TSNARE1: variants seen among roughly 807,000 people sequenced by gnomAD.
The protein encoded by TSNARE1 is t-SNARE domain-containing protein 1.
A neutral mutation model predicts 62.0 loss-of-function variants in TSNARE1; 49 were observed. That is an observed-to-expected ratio of 0.79 (90% CI 0.63 to 1.00). TSNARE1 has a LOEUF of 1.00. Ranked by LOEUF, TSNARE1 falls within the 50% of genes least tolerant of loss-of-function variation. The pLI is 0.00. For synonymous variants in TSNARE1, 328 were observed against 294.4 expected (o/e 1.11, Z -1.17); for missense variants, 755 against 700.1 (o/e 1.08, Z -0.88).
intron 9 of TSNARE1, among the ~76,000 whole-genome samples, chr8:142,310,411 C>T (rs1012603018): frequency 2.0e-5 from 3 of 151,382 alleles, no homozygotes; most frequent in Non-Finnish European, 2.9e-5. Flanking sequence ...GTTCCACCGT[C>T]GACGTTAACC....
At chr8:142,313,497 T>C (rs1827985157) in intron 9 of TSNARE1, among the ~76,000 whole-genome samples, 1 of 152,162 alleles carries the variant, frequency 6.6e-6, no homozygotes, top group Non-Finnish European at 1.5e-5. Flanking sequence ...CTCTGTGTGT[T>C]TATCTGCATG....
At chr8:142,271,350 T>C (rs1819519066) in intron 12 of TSNARE1, 2 of 1,191,126 alleles carry the variant, frequency 1.7e-6, no homozygotes, top group Non-Finnish European at 2.1e-6. Flanking sequence ...TGCTGGGCCA[T>C]GAGTGTGCTC....
At chr8:142,283,377 G>A (rs1822043963) in intron 11 of TSNARE1, among the ~76,000 whole-genome samples, 1 of 150,782 alleles carries the variant, frequency 6.6e-6, no homozygotes, top group Admixed American at 6.6e-5. Context: ...GCCAGTGTCT[G>A]TCAATGAGCA....
chr8:142,333,048 G>A (rs556404776), intron 4 of TSNARE1, among the ~76,000 whole-genome samples: 9 of 152,342 alleles, frequency 5.9e-5, no homozygotes, highest in East Asian at 1.9e-4. Context: ...GGCGAAGGTC[G>A]AGAACGACCA....
At chr8:142,215,420 G>A (rs1315139685) in intron 13 of TSNARE1, among the ~76,000 whole-genome samples, 1 of 152,138 alleles carries the variant, frequency 6.6e-6, no homozygotes. Flanking sequence ...TGCAGTGCCT[G>A]ATGCCCCCAT....
At chr8:142,312,956 C>T (rs914603492) in intron 9 of TSNARE1, among the ~76,000 whole-genome samples, 5 of 152,180 alleles carry the variant, frequency 3.3e-5, no homozygotes, top group South Asian at 2.1e-4. Context: ...CCAGCTGCTC[C>T]GATGTTTCCC....
intron 13 of TSNARE1, among the ~76,000 whole-genome samples, chr8:142,214,796 G>T (rs1401927529): frequency 1.3e-5 from 2 of 152,192 alleles, no homozygotes; most frequent in African/African-American, 4.8e-5. Flanking sequence ...TCCGCCACGT[G>T]AGGATGTAGG....
intron 1 of TSNARE1, among the ~76,000 whole-genome samples, chr8:142,366,379 T>C (rs1229290517): frequency 1.3e-5 from 2 of 152,118 alleles, no homozygotes; most frequent in Non-Finnish European, 2.9e-5. Flanking sequence ...AAGAAAAAAT[T>C]ACAAATGAAT....
intron 1 of TSNARE1, among the ~76,000 whole-genome samples, chr8:142,398,545 A>T (rs563633786): frequency 2.6e-5 from 4 of 151,300 alleles, no homozygotes; most frequent in Non-Finnish European, 5.9e-5. Context: ...CACCGCCTCA[A>T]CCTTGCTCTG....
chr8:142,287,826 GCCAGATCT>G (rs1290368446), intron 10 of TSNARE1, among the ~76,000 whole-genome samples: 6 of 148,104 alleles, frequency 4.1e-5, no homozygotes, highest in Non-Finnish European at 7.4e-5. Context: ...CAGGACCCCA[GCCAGATCT>G]CAGGGACAGT....
At chr8:142,213,702 C>G (rs1815685719) in intron 13 of TSNARE1, among the ~76,000 whole-genome samples, 1 of 152,150 alleles carries the variant, frequency 6.6e-6, no homozygotes, top group South Asian at 2.1e-4. Context: ...TCCCCGAAAT[C>G]CAATTACCAC....
intron 6 of TSNARE1, among the ~76,000 whole-genome samples, chr8:142,322,953 G>A (rs190965363): frequency 6.0e-5 from 9 of 151,204 alleles, no homozygotes; most frequent in African/African-American, 1.9e-4. Context: ...TACCGTGTCC[G>A]TGGGTTGGAC....
intron 1 of TSNARE1, among the ~76,000 whole-genome samples, chr8:142,363,718 G>A (rs988863997): frequency 6.6e-6 from 1 of 152,072 alleles, no homozygotes; most frequent in African/African-American, 2.4e-5. Flanking sequence ...CCCCTCTACT[G>A]CCCACTGCCC....
intron 10 of TSNARE1, among the ~76,000 whole-genome samples, chr8:142,294,162 G>A (rs1824276058): frequency 2.0e-5 from 3 of 152,088 alleles, no homozygotes; most frequent in Non-Finnish European, 4.4e-5. Context: ...AGTGGCCAGA[G>A]GGAAGGTGGA....
At chr8:142,250,311 C>G (rs944050629) in intron 12 of TSNARE1, among the ~76,000 whole-genome samples, 3 of 152,124 alleles carry the variant, frequency 2.0e-5, no homozygotes, top group African/African-American at 7.2e-5. Flanking sequence ...AAATGGCGCT[C>G]TAATGAGGCC....
At chr8:142,235,687 C>T (rs1278078850) in intron 12 of TSNARE1, among the ~76,000 whole-genome samples, 1 of 152,074 alleles carries the variant, frequency 6.6e-6, no homozygotes, top group African/African-American at 2.4e-5. Flanking sequence ...GGGAAAATTA[C>T]AGAATTATGA....
chr8:142,255,839 C>CCAT (rs755539369), intron 12 of TSNARE1, among the ~76,000 whole-genome samples: 18,337 of 25,742 alleles, frequency 0.71, 7,567 homozygotes, highest in African/African-American at 0.76. Context: ...ACCACCACCA[C>CCAT]CACCATCACC....
At chr8:142,222,633 CACTCATTCACTT>C (rs1427955863) in intron 13 of TSNARE1, among the ~76,000 whole-genome samples, 2 of 145,538 alleles carry the variant, frequency 1.4e-5, no homozygotes. Context: ...CTCATCCACT[CACTCATTCACTT>C]ACTCATCCAC....
intron 7 of TSNARE1, among the ~76,000 whole-genome samples, chr8:142,316,613 C>G (rs1828560812): frequency 6.6e-6 from 1 of 151,808 alleles, no homozygotes; most frequent in Non-Finnish European, 1.5e-5. Context: ...ACATGCCCAT[C>G]ACCCCAGAAA....
Sources: allele counts gnomAD v4.1 joint callset (sites outside exome capture counted in the v4.1 genomes callset), GRCh38; gene constraint gnomAD v4.1.1; transcripts MANE v1.5; gene names NCBI Gene and HGNC (gene_info 2026-07-23, HGNC 2026-07-21).